Variants in BAHCC1 observed in about 807,000 individuals in gnomAD.
The protein encoded by BAHCC1 is BAH domain and coiled-coil containing 1.
BAHCC1 carries 43 observed loss-of-function variants against 88.2 expected under a neutral mutation model. That is an observed-to-expected ratio of 0.49 (90% CI 0.38 to 0.63). The LOEUF is 0.63. BAHCC1 is among the 20% of genes least tolerant of loss of function. The pLI is 0.00. For missense variants in BAHCC1, 3,023 were observed against 1,654.8 expected, an observed-to-expected ratio of 1.83 and a Z score of -14.34; for synonymous variants, 1,510 against 745.5, an observed-to-expected ratio of 2.03 and a Z score of -16.71.
intron 14 of BAHCC1, among the ~76,000 whole-genome samples, chr17:81,454,568 AC>A: frequency 2.3e-5 from 1 of 42,700 alleles, no homozygotes; most frequent in Non-Finnish European, 5.0e-5. Flanking sequence ...ACCTGCCCCT[AC>A]CCCCGCCCCT....
At chr17:81,424,681 G>T (rs2064153848) in intron 2 of BAHCC1, among the ~76,000 whole-genome samples, 1 of 151,256 alleles carries the variant, frequency 6.6e-6, no homozygotes, top group Non-Finnish European at 1.5e-5. Flanking sequence ...TGGGGGCATG[G>T]TGGTGGAGGT....
At chr17:81,456,682 C>T in intron 16 of BAHCC1, 97 bp downstream of exon 16, 2 of 627,042 alleles carry the variant, frequency 3.2e-6, no homozygotes, top group Non-Finnish European at 5.7e-6. Context: ...GCCACCAGGG[C>T]TGGGTCATGG....
At chr17:81,449,065 G>C (rs1020978211) in intron 11 of BAHCC1, among the ~76,000 whole-genome samples, 10 of 152,308 alleles carry the variant, frequency 6.6e-5, no homozygotes, top group Non-Finnish European at 1.3e-4. Flanking sequence ...CAGAGTGGCC[G>C]GTCTGCCTGT....
In BAHCC1 at chr17:81,399,554, C is replaced by T; in HGVS notation, c.-186C>T. On this transcript the variant is annotated 5_prime_UTR_variant, in exon 2 of 28. Transcript: ENST00000675386. This position sits in a 1 kb window ranked among gnomAD's most constrained non-coding sequence, Gnocchi z 4.5. ...CACAGACCATGGACCCGCACAGCGGCCGCTGGCTCGGTGCGCGGCCGCCCG... is the reference window on the plus strand; with the variant it reads ...CACAGACCATGGACCCGCACAGCGGTCGCTGGCTCGGTGCGCGGCCGCCCG... The T allele has an allele frequency of 2.6e-6, 1 of 386,958 alleles. No individual in the cohort carries two copies. Among genetic ancestry groups the T allele is most frequent in the Non-Finnish European group, 5.0e-6 (1 of 198,738 alleles). 24.0% of individuals were successfully genotyped at this position (386,958 alleles called of 1,614,324 possible).
intron 2 of BAHCC1, among the ~76,000 whole-genome samples, chr17:81,412,420 T>C (rs1333879067): frequency 1.3e-5 from 2 of 152,276 alleles, no homozygotes; most frequent in Admixed American, 6.5e-5. Flanking sequence ...AAAAAGTGTA[T>C]GTGAGGCCAT....
intron 3 of BAHCC1, among the ~76,000 whole-genome samples, chr17:81,436,235 A>G (rs1468517458): frequency 6.6e-6 from 1 of 152,176 alleles, no homozygotes; most frequent in Non-Finnish European, 1.5e-5. Context: ...GGCCCTGGCC[A>G]GTGCTGCCCT....
At chr17:81,448,712 T>C (rs181423955) in intron 11 of BAHCC1, among the ~76,000 whole-genome samples, 142 of 152,286 alleles carry the variant, frequency 9.3e-4, no homozygotes, top group Admixed American at 3.9e-3. Flanking sequence ...GTGGTCACCC[T>C]GTGCTGGATG....
At chr17:81,422,695 GATGTGGT>G (rs1555649730) in intron 2 of BAHCC1, 1 of 363,220 alleles carries the variant, frequency 2.8e-6, no homozygotes. Context: ...GCCCCCACCT[GATGTGGT>G]GTGGGAGAGC....
rs782696527 is a variant in BAHCC1, at chr17:81,461,960, C to T, written c.7297C>T (p.Arg2433Trp). Residue 2433 changes from arginine to tryptophan, a missense_variant, in exon 26 of 28, where the codon CGG becomes TGG. Arg to Trp is a moderately radical substitution (Grantham distance 101). Coordinates refer to ENST00000675386, the MANE Select transcript of BAHCC1 (RefSeq NM_001377448.1). Reference sequence around the variant, plus strand: ...AGCCAAAGAGCTCTCCCGGAGGCAGCGGCCGCCCTCCGTGGAAAACCGGCC... The same window carrying T: ...AGCCAAAGAGCTCTCCCGGAGGCAGTGGCCGCCCTCCGTGGAAAACCGGCC... ...SKAKELSRRQ[R>W]PPSVENRPKI... The T allele has an allele frequency of 6.5e-6, 5 of 770,820 alleles. No homozygotes were observed. The highest frequency in any genetic ancestry group is 1.4e-5 in the South Asian group (1 of 72,916). 47.7% of individuals were successfully genotyped at this position (770,820 alleles called of 1,614,324 possible).
intron 14 of BAHCC1, among the ~76,000 whole-genome samples, chr17:81,453,997 G>GCCA (rs2064697561): frequency 6.6e-6 from 1 of 152,142 alleles, no homozygotes; most frequent in Non-Finnish European, 1.5e-5. Context: ...GGGACATCCG[G>GCCA]CCACGCCAGG....
chr17:81,403,233 C>A (rs1305685435), intron 2 of BAHCC1, among the ~76,000 whole-genome samples: 1 of 152,328 alleles, frequency 6.6e-6, no homozygotes, highest in Non-Finnish European at 1.5e-5. Context: ...CTGTCCTGGT[C>A]TGTACGCCTC....
Position 81,435,515 on chromosome 17 carries a change from G to T in BAHCC1, c.359-2855G>T. The T allele has an allele frequency of 2.1e-6, 1 of 470,654 alleles. No homozygotes were observed. The highest frequency in any genetic ancestry group is 2.0e-5 in the African/African-American group (1 of 50,186). The allele number at this position is 470,654 out of a possible 1,614,324, so 29.2% of individuals were successfully genotyped here. A position where few individuals can be genotyped will look rare whatever the true frequency, so the allele number is the denominator to read the frequency against. On this transcript the variant is annotated intron_variant, in intron 3 of 27. Coordinates refer to ENST00000675386, the MANE Select transcript of BAHCC1 (RefSeq NM_001377448.1). The surrounding 1 kb of genome is among the most constrained non-coding windows in gnomAD (Gnocchi z 4.4). Reference sequence around the variant, plus strand: ...CTTAGCCCAGGGCTTGCCCTTGTCTGTTGGGGTGATCATAAAAGCTCCCGT... The same window carrying T: ...CTTAGCCCAGGGCTTGCCCTTGTCTTTTGGGGTGATCATAAAAGCTCCCGT...
chr17:81,410,527 T>C (rs2063936519), intron 2 of BAHCC1, among the ~76,000 whole-genome samples: 1 of 152,188 alleles, frequency 6.6e-6, no homozygotes, highest in African/African-American at 2.4e-5. Flanking sequence ...CTCCAGCATG[T>C]CCTGGGGCGT....
intron 3 of BAHCC1, among the ~76,000 whole-genome samples, chr17:81,432,591 C>CA (rs2064275765): frequency 7.8e-6 from 1 of 128,702 alleles, no homozygotes; most frequent in Non-Finnish European, 1.7e-5. Context: ...TCCCCTCCAG[C>CA]CCTGGACCCA....
At position 81,458,693 on chromosome 17, in the gene BAHCC1, C is replaced by T; in HGVS notation, c.5416C>T (p.Leu1806=). The T allele has an allele frequency of 1.4e-6, 1 of 727,802 alleles. No individual in the cohort carries two copies. Among genetic ancestry groups the T allele is most frequent in the Non-Finnish European group, 2.6e-6 (1 of 391,184 alleles). The allele number at this position is 727,802 out of a possible 1,614,324, so 45.1% of individuals were successfully genotyped here. A position where few individuals can be genotyped will look rare whatever the true frequency, so the allele number is the denominator to read the frequency against. Reference sequence around the variant, plus strand: ...GGCCATCCTGGGGAAGGGCCGGAAGCTGAGCAAGGTGAAGCACAAGGCCGG... The same window carrying T: ...GGCCATCCTGGGGAAGGGCCGGAAGTTGAGCAAGGTGAAGCACAAGGCCGG... ...AKAILGKGRK[L]SKVKHKAGKQ... is the part of the protein sequence containing the mutation. Residue 1806 remains leucine, a synonymous_variant, in exon 19 of 28, where the codon CTG becomes TTG. Transcript: ENST00000675386.
At chr17:81,395,885 C>G (rs568772322) in intron 1 of BAHCC1, 1 of 151,652 alleles carries the variant, frequency 6.6e-6, no homozygotes, top group Admixed American at 6.6e-5. Flanking sequence ...TTTAAAATTA[C>G]CCCCGTAATG....
intron 2 of BAHCC1, chr17:81,401,786 C>A (rs949024058): frequency 1.3e-5 from 2 of 152,250 alleles, no homozygotes; most frequent in Non-Finnish European, 2.9e-5. Flanking sequence ...CTGTCCCCTC[C>A]GGGAGGCAAG....
intron 3 of BAHCC1, among the ~76,000 whole-genome samples, chr17:81,431,436 C>T (rs1200366067): frequency 2.6e-5 from 4 of 152,206 alleles, no homozygotes; most frequent in Admixed American, 2.0e-4. Context: ...TGACCAGCAC[C>T]CAGGTCCACA....
chr17:81,459,666 GCCC>G, intron 23 of BAHCC1, 62 bp downstream of exon 23: 1 of 770,746 alleles, frequency 1.3e-6, no homozygotes, highest in Non-Finnish European at 2.4e-6. Flanking sequence ...GCTCATATCT[GCCC>G]CCAACAGCCT....
Sources: allele counts gnomAD v4.1 joint callset (sites outside exome capture counted in the v4.1 genomes callset), GRCh38; gene constraint gnomAD v4.1.1; non-coding constraint Gnocchi (gnomAD v3.1); transcripts MANE v1.5; gene names NCBI Gene and HGNC (gene_info 2026-07-23, HGNC 2026-07-21).